The following IDO2 variants were observed in gnomAD, a reference collection of about 807,000 sequenced individuals.
The protein encoded by IDO2 is indoleamine 2,3-dioxygenase-like 1 protein.
A neutral mutation model predicts 45.1 loss-of-function variants in IDO2; 46 were observed. That is an observed-to-expected ratio of 1.02 (90% CI 0.80 to 1.30). The LOEUF (loss-of-function observed/expected upper bound fraction) is 1.30. Ranked by LOEUF, IDO2 falls within the 50% of genes most tolerant of loss-of-function variation. The probability of loss-of-function intolerance (pLI) is 0.00; values close to 1 mark genes in which losing one functional copy is unlikely to be tolerated. For synonymous variants in IDO2, 218 were observed against 184.9 expected, an observed-to-expected ratio of 1.18 and a Z score of -1.45; for missense variants, 544 against 491.8, an observed-to-expected ratio of 1.11 and a Z score of -1.00.
intron 3 of IDO2, among the ~76,000 whole-genome samples, chr8:39,967,342 G>A (rs1242593521): frequency 6.6e-6 from 1 of 152,020 alleles, no homozygotes; most frequent in Admixed American, 6.6e-5. Flanking sequence ...TGAGGGTTGG[G>A]GGGCACATGT....
At chr8:39,975,907 T>C (rs1042332897) in intron 3 of IDO2, among the ~76,000 whole-genome samples, 1 of 152,038 alleles carries the variant, frequency 6.6e-6, no homozygotes, top group Admixed American at 6.5e-5. Context: ...ATAATGGTGA[T>C]GAGAAAAGGA....
chr8:39,973,738 T>C (rs1241551332), intron 3 of IDO2, among the ~76,000 whole-genome samples: 1 of 62,902 alleles, frequency 1.6e-5, no homozygotes, highest in Non-Finnish European at 2.6e-5. Flanking sequence ...TTGTGTTTCG[T>C]TTTCTTCTTT....
At chr8:39,956,145 C>T (rs1229851461) in intron 2 of IDO2, among the ~76,000 whole-genome samples, 4 of 151,540 alleles carry the variant, frequency 2.6e-5, no homozygotes, top group Admixed American at 1.3e-4. Flanking sequence ...CTGCAATCTC[C>T]ACCTCCTGGC....
At chr8:39,951,320 G>A (rs1807812189) in intron 2 of IDO2, among the ~76,000 whole-genome samples, 1 of 141,446 alleles carries the variant, frequency 7.1e-6, no homozygotes, top group Non-Finnish European at 1.5e-5. Flanking sequence ...CTATCGCCCA[G>A]GCTGGAGTGC....
At chr8:39,969,337 T>C (rs1382965255) in intron 3 of IDO2, among the ~76,000 whole-genome samples, 2 of 152,192 alleles carry the variant, frequency 1.3e-5, no homozygotes, top group African/African-American at 4.8e-5. Flanking sequence ...CAGTGATCTT[T>C]AATGTTACTA....
chr8:39,944,847 C>T (rs1250774335), intron 1 of IDO2, among the ~76,000 whole-genome samples: 1 of 152,158 alleles, frequency 6.6e-6, no homozygotes, highest in Non-Finnish European at 1.5e-5. Flanking sequence ...GTCTCTCGGT[C>T]GCTGGCTAAT....
chr8:39,958,269 T>A (rs1216415523), intron 2 of IDO2, among the ~76,000 whole-genome samples: 1 of 152,140 alleles, frequency 6.6e-6, no homozygotes, highest in Non-Finnish European at 1.5e-5. Context: ...TGGCTTGATC[T>A]CAGCTCACTG....
At chr8:40,015,659 G>C in exon 11 of IDO2, 2 of 1,308,092 alleles carry the variant, frequency 1.5e-6, no homozygotes, top group Non-Finnish European at 2.2e-6. Flanking sequence ...TGGGCCTGGA[G>C]AATGAGGGTC....
intron 8 of IDO2, chr8:39,995,212 TCTCCTTCTC>T (rs1802017650): frequency 1.5e-5 from 1 of 67,574 alleles, no homozygotes; most frequent in African/African-American, 7.7e-5. Flanking sequence ...TCCTTCTCCT[TCTCCTTCTC>T]CTTCTCCTTC....
At chr8:39,977,378 G>A (rs1157977610) in intron 3 of IDO2, among the ~76,000 whole-genome samples, 2 of 152,204 alleles carry the variant, frequency 1.3e-5, no homozygotes, top group East Asian at 3.8e-4. Context: ...TGCTCACCTG[G>A]TTCTTGTTAA....
At chr8:39,936,691 G>C (rs1361267055) in intron 1 of IDO2, among the ~76,000 whole-genome samples, 1 of 152,156 alleles carries the variant, frequency 6.6e-6, no homozygotes. Context: ...GGCATTCCTA[G>C]AACTGGAGTT....
chr8:40,009,686 T>G (rs867178824), intron 9 of IDO2, among the ~76,000 whole-genome samples: 12 of 152,216 alleles, frequency 7.9e-5, no homozygotes, highest in Non-Finnish European at 8.8e-5. Flanking sequence ...AACATGAGTT[T>G]TTAAAGTAGA....
intron 1 of IDO2, among the ~76,000 whole-genome samples, chr8:39,936,195 C>T (rs16888369): frequency 6.6e-6 from 1 of 152,068 alleles, no homozygotes; most frequent in Non-Finnish European, 1.5e-5. Context: ...CTCTATTTTA[C>T]AAGGTCATCT....
At chr8:40,015,499 C>T in exon 11 of IDO2, 6 of 1,614,016 alleles carry the variant, frequency 3.7e-6, no homozygotes, top group Non-Finnish European at 5.1e-6. Flanking sequence ...CCAGGGCCTC[C>T]TCAGGCTTTA....
At chr8:39,994,516 C>T (rs1802001154) in intron 8 of IDO2, among the ~76,000 whole-genome samples, 1 of 152,122 alleles carries the variant, frequency 6.6e-6, no homozygotes, top group Non-Finnish European at 1.5e-5. Flanking sequence ...CTCAGCCTCC[C>T]AAAGTGCTGG....
chr8:40,015,339 A>C (rs1203578965), exon 11 of IDO2: 1 of 1,613,258 alleles, frequency 6.2e-7, no homozygotes, highest in East Asian at 2.2e-5. Flanking sequence ...GAGGGACTAC[A>C]TCCTGTCATC....
At chr8:39,942,795 A>G (rs1005381794) in intron 1 of IDO2, among the ~76,000 whole-genome samples, 1 of 152,178 alleles carries the variant, frequency 6.6e-6, no homozygotes, top group African/African-American at 2.4e-5. Context: ...AGAGCATTGA[A>G]CTGAATCATT....
At chr8:39,982,595 T>A in intron 4 of IDO2, 57 bp from the exon 5 acceptor site, 2 of 1,181,848 alleles carry the variant, frequency 1.7e-6, no homozygotes, top group Non-Finnish European at 2.4e-6. Flanking sequence ...ACCATGGTTA[T>A]TTCCTCTGCT....
At chr8:39,989,438 C>T (rs542144777) in intron 7 of IDO2, among the ~76,000 whole-genome samples, 30 of 151,780 alleles carry the variant, frequency 2.0e-4, no homozygotes, top group Admixed American at 6.6e-5. Context: ...GTGACAAATC[C>T]GAGAGAAGAA....
Sources: allele counts gnomAD v4.1 joint callset (sites outside exome capture counted in the v4.1 genomes callset), GRCh38; gene constraint gnomAD v4.1.1; transcripts MANE v1.5; gene names NCBI Gene and HGNC (gene_info 2026-07-23, HGNC 2026-07-21).